The following DYNC1I1 variants were observed in gnomAD, a reference collection of about 807,000 sequenced individuals.
DYNC1I1 encodes cytoplasmic dynein 1 intermediate chain 1.
In DYNC1I1, 43 loss-of-function variants were observed where a neutral mutation model predicts 86.6. The observed-to-expected ratio is 0.50, with a 90% confidence interval of 0.39 to 0.64. The LOEUF is 0.64. DYNC1I1 is among the 30% of genes least tolerant of loss of function. The pLI is 0.00. For missense variants in DYNC1I1, 604 were observed against 788.8 expected (o/e 0.77, Z 2.81); for synonymous variants, 262 against 283.7 (o/e 0.92, Z 0.77).
intron 6 of DYNC1I1, among the ~76,000 whole-genome samples, chr7:95,911,663 TG>T (rs922711192): frequency 2.0e-5 from 3 of 152,090 alleles, no homozygotes; most frequent in Non-Finnish European, 2.9e-5. Flanking sequence ...CCCAATCACC[TG>T]GGGGGCTTGT....
chr7:96,039,188 G>A, intron 13 of DYNC1I1, 89 bp from the exon 14 acceptor site: 1 of 1,439,354 alleles, frequency 6.9e-7, no homozygotes. Context: ...GAGATGCAGA[G>A]TTGAGGGTTT....
At chr7:95,994,333 A>C (rs920057976) in intron 9 of DYNC1I1, among the ~76,000 whole-genome samples, 2 of 152,174 alleles carry the variant, frequency 1.3e-5, no homozygotes, top group African/African-American at 4.8e-5. Flanking sequence ...GGTGTAGAAA[A>C]AAAATTATAA....
At chr7:95,819,346 A>C (rs1795023175) in intron 4 of DYNC1I1, among the ~76,000 whole-genome samples, 2 of 152,136 alleles carry the variant, frequency 1.3e-5, no homozygotes, top group Non-Finnish European at 1.5e-5. Context: ...GTCTGCATGT[A>C]GTTACTACTT....
At chr7:96,057,037 A>G (rs1209196813) in intron 14 of DYNC1I1, among the ~76,000 whole-genome samples, 1 of 152,182 alleles carries the variant, frequency 6.6e-6, no homozygotes, top group Non-Finnish European at 1.5e-5. Context: ...GTGTCTAACC[A>G]TTAGTCTCAT....
intron 5 of DYNC1I1, among the ~76,000 whole-genome samples, chr7:95,830,066 G>T (rs960560427): frequency 6.6e-6 from 1 of 151,940 alleles, no homozygotes; most frequent in Non-Finnish European, 1.5e-5. Flanking sequence ...CATTATTTTA[G>T]CCATTTTACA....
chr7:95,809,671 A>G (rs1432292138), intron 2 of DYNC1I1, among the ~76,000 whole-genome samples: 1 of 152,188 alleles, frequency 6.6e-6, no homozygotes, highest in Non-Finnish European at 1.5e-5. Context: ...TCTGACATTA[A>G]GAGGCCAGTA....
chr7:95,777,967 A>C (rs570630599), intron 1 of DYNC1I1, among the ~76,000 whole-genome samples: 7 of 152,152 alleles, frequency 4.6e-5, no homozygotes, highest in Non-Finnish European at 8.8e-5. Flanking sequence ...AATTAATGTG[A>C]TTTTCAGAAT....
intron 5 of DYNC1I1, among the ~76,000 whole-genome samples, chr7:95,843,004 A>G (rs886158497): frequency 6.6e-6 from 1 of 152,154 alleles, no homozygotes; most frequent in East Asian, 1.9e-4. Context: ...TGCTTTTAAG[A>G]TTTTTTAGTT....
intron 6 of DYNC1I1, among the ~76,000 whole-genome samples, chr7:95,880,732 G>A (rs147217422): frequency 0.063 from 8,784 of 138,660 alleles, 635 homozygotes; most frequent in African/African-American, 0.18. Context: ...TGCAACCTCC[G>A]CCTCCTGAGT....
chr7:96,098,528 A>G (rs933113213), downstream of DYNC1I1: 1 of 732,298 alleles, frequency 1.4e-6, no homozygotes, highest in Non-Finnish European at 1.7e-6. Flanking sequence ...TTAAAGACTG[A>G]TCATGAATTT....
At chr7:96,060,204 G>A (rs1165625698) in intron 14 of DYNC1I1, among the ~76,000 whole-genome samples, 1 of 152,136 alleles carries the variant, frequency 6.6e-6, no homozygotes, top group Admixed American at 6.5e-5. Flanking sequence ...CTGTGTGGGT[G>A]ATGGCTCCAA....
intron 1 of DYNC1I1, among the ~76,000 whole-genome samples, chr7:95,792,653 C>A (rs1037406914): frequency 6.6e-6 from 1 of 152,260 alleles, no homozygotes; most frequent in Non-Finnish European, 1.5e-5. Context: ...CCATGTAAAA[C>A]TTACATTAAA....
intron 6 of DYNC1I1, among the ~76,000 whole-genome samples, chr7:95,955,046 A>C (rs1792672962): frequency 6.6e-6 from 1 of 152,104 alleles, no homozygotes; most frequent in South Asian, 2.1e-4. Context: ...TCCACAAACT[A>C]TTAGTTATCA....
chr7:95,961,667 A>G (rs535695077), intron 6 of DYNC1I1, among the ~76,000 whole-genome samples: 1 of 152,340 alleles, frequency 6.6e-6, no homozygotes, highest in Admixed American at 6.5e-5. Context: ...ACAGAGGATG[A>G]GGTTGGCACA....
intron 1 of DYNC1I1, chr7:95,804,107 T>C (rs930914629): frequency 5.3e-6 from 1 of 187,462 alleles, no homozygotes; most frequent in Non-Finnish European, 1.1e-5. Flanking sequence ...AATAGGGTTG[T>C]GTTAGAGATG....
chr7:95,813,141 A>G, intron 3 of DYNC1I1, 106 bp from the exon 4 acceptor site: 1 of 1,598,498 alleles, frequency 6.3e-7, no homozygotes, highest in Non-Finnish European at 8.5e-7. Flanking sequence ...TGGCCATACA[A>G]CCACTTTAAT....
intron 6 of DYNC1I1, among the ~76,000 whole-genome samples, chr7:95,898,697 A>G (rs1193009468): frequency 6.6e-6 from 1 of 152,208 alleles, no homozygotes; most frequent in Non-Finnish European, 1.5e-5. Context: ...CAGTGTATCC[A>G]CTGCACAGAG....
intron 14 of DYNC1I1, among the ~76,000 whole-genome samples, chr7:96,067,229 C>T (rs1790018738): frequency 6.6e-6 from 1 of 152,164 alleles, no homozygotes; most frequent in Non-Finnish European, 1.5e-5. Flanking sequence ...CTGCCAGTAA[C>T]ACTTACCAGA....
At chr7:95,812,018 A>G (rs1794841746) in intron 3 of DYNC1I1, among the ~76,000 whole-genome samples, 1 of 152,152 alleles carries the variant, frequency 6.6e-6, no homozygotes, top group African/African-American at 2.4e-5. Context: ...ATTACTGCCA[A>G]CGGACTCTGG....
Sources: allele counts gnomAD v4.1 joint callset (sites outside exome capture counted in the v4.1 genomes callset), GRCh38; gene constraint gnomAD v4.1.1; transcripts MANE v1.5; gene names NCBI Gene and HGNC (gene_info 2026-07-23, HGNC 2026-07-21).